TBX15: variants seen among roughly 807,000 people sequenced by gnomAD.
The protein encoded by TBX15 is T-box transcription factor TBX15.
A neutral mutation model predicts 53.9 loss-of-function variants in TBX15; 18 were observed. That is an observed-to-expected ratio of 0.33 (90% CI 0.23 to 0.49). The LOEUF is 0.49. Among genes scored for constraint, TBX15 ranks in the 20% least tolerant of loss-of-function variants. The probability of loss-of-function intolerance (pLI) is 0.98; values close to 1 mark genes in which losing one functional copy is unlikely to be tolerated. For synonymous variants in TBX15, 295 were observed against 278.0 expected, an observed-to-expected ratio of 1.06 and a Z score of -0.61; for missense variants, 692 against 749.5, an observed-to-expected ratio of 0.92 and a Z score of 0.90.
At chr1:118,939,437 CAA>C (rs869077887) in intron 1 of TBX15, among the ~76,000 whole-genome samples, 1 of 84,678 alleles carries the variant, frequency 1.2e-5, no homozygotes, top group Non-Finnish European at 2.2e-5. Flanking sequence ...AAAAAAAAAA[CAA>C]AAACAGGAAC....
chr1:118,942,600 A>G (rs1489846387), intron 1 of TBX15, among the ~76,000 whole-genome samples: 1 of 152,158 alleles, frequency 6.6e-6, no homozygotes, highest in African/African-American at 2.4e-5. Flanking sequence ...AACCTGAACT[A>G]TTGGAATCCT....
At chr1:118,923,912 C>T (rs1396460315) in intron 4 of TBX15, among the ~76,000 whole-genome samples, 1 of 152,178 alleles carries the variant, frequency 6.6e-6, no homozygotes, top group Non-Finnish European at 1.5e-5. Context: ...GAACCTCTGC[C>T]ATGTGACAAG....
intron 7 of TBX15, among the ~76,000 whole-genome samples, chr1:118,892,688 T>C (rs1056780888): frequency 5.3e-5 from 8 of 152,222 alleles, no homozygotes; most frequent in African/African-American, 1.9e-4. Flanking sequence ...ACTGGGTTTA[T>C]TTCTTTCAAA....
intron 1 of TBX15, among the ~76,000 whole-genome samples, chr1:118,947,811 G>A (rs1026820070): frequency 1.3e-5 from 2 of 152,078 alleles, no homozygotes; most frequent in African/African-American, 2.4e-5. Flanking sequence ...GAGAGCCTGG[G>A]TTCTCTCCTC....
chr1:118,924,858 C>G (rs1655542539), intron 3 of TBX15, 41 bp from the exon 4 acceptor site: 1 of 1,611,526 alleles, frequency 6.2e-7, no homozygotes, highest in Non-Finnish European at 8.5e-7. Flanking sequence ...GAGACAGAGG[C>G]AGAGAAGGGA....
chr1:118,939,039 A>G (rs1656058080), intron 1 of TBX15, among the ~76,000 whole-genome samples: 1 of 152,144 alleles, frequency 6.6e-6, no homozygotes, highest in Non-Finnish European at 1.5e-5. Context: ...ATACTATGCG[A>G]CCATAAAAAA....
At chr1:118,962,819 T>C (rs562071061) in intron 1 of TBX15, among the ~76,000 whole-genome samples, 1 of 152,346 alleles carries the variant, frequency 6.6e-6, no homozygotes, top group African/African-American at 2.4e-5. Context: ...CAGTGAACAC[T>C]GACCATTTAG....
intron 2 of TBX15, 46 bp from the exon 3 acceptor site, chr1:118,926,657 A>C: frequency 6.6e-7 from 1 of 1,517,624 alleles, no homozygotes; most frequent in South Asian, 1.1e-5. Flanking sequence ...AGGGTGGGAG[A>C]AGTAGCAGGG....
rs7542579 is a variant in TBX15, at chr1:118,968,888, C to T, written c.205+18703G>A. ...GGAGATAAAGACACCAGGCCTCTAT[C>T]TCCATCGTGAATACCAGGCACTTCA... On this transcript the variant is annotated intron_variant, in intron 1 of 7. Transcript: ENST00000369429. Among the ~76,000 whole-genome samples the T allele has an allele frequency of 7.4e-4, 112 of 152,192 alleles. 2 individuals carry two copies. Among genetic ancestry groups the T allele is most frequent in the South Asian group, 6.0e-3 (29 of 4,820 alleles).
chr1:118,891,329 A>G (rs1654134053), intron 7 of TBX15, among the ~76,000 whole-genome samples: 1 of 152,194 alleles, frequency 6.6e-6, no homozygotes, highest in South Asian at 2.1e-4. Context: ...TGTATCTACC[A>G]CATTCCTTAG....
chr1:118,948,640 G>A (rs1656417658), intron 1 of TBX15, among the ~76,000 whole-genome samples: 1 of 152,166 alleles, frequency 6.6e-6, no homozygotes, highest in Admixed American at 6.5e-5. Context: ...GTTGTGGCAG[G>A]ACTCAATGTT....
At chr1:118,899,863 A>G (rs1482578535) in intron 6 of TBX15, among the ~76,000 whole-genome samples, 2 of 152,178 alleles carry the variant, frequency 1.3e-5, no homozygotes, top group Non-Finnish European at 1.5e-5. Context: ...ACATTTTACG[A>G]GTACATTCCT....
intron 1 of TBX15, among the ~76,000 whole-genome samples, chr1:118,948,541 C>A (rs929690356): frequency 2.0e-5 from 3 of 152,182 alleles, no homozygotes; most frequent in Non-Finnish European, 4.4e-5. Context: ...CTCTAGGGTC[C>A]AACCTGCCTG....
intron 7 of TBX15, among the ~76,000 whole-genome samples, chr1:118,891,178 T>A (rs1396931124): frequency 6.6e-6 from 1 of 152,214 alleles, no homozygotes; most frequent in Non-Finnish European, 1.5e-5. Context: ...TCCTAGTGAA[T>A]CATTCTCCAT....
intron 1 of TBX15, among the ~76,000 whole-genome samples, chr1:118,976,020 C>T (rs1399260876): frequency 1.3e-5 from 2 of 152,142 alleles, no homozygotes; most frequent in African/African-American, 4.8e-5. Flanking sequence ...AGGGAAGCCA[C>T]CTTCTCCCTC....
intron 1 of TBX15, among the ~76,000 whole-genome samples, chr1:118,937,513 A>C (rs1374846195): frequency 6.6e-6 from 1 of 152,190 alleles, no homozygotes; most frequent in Non-Finnish European, 1.5e-5. Context: ...CCATAAGCTC[A>C]GTTTAATGCT....
chr1:118,887,196 A>C (rs1018607957), intron 7 of TBX15, among the ~76,000 whole-genome samples: 2 of 152,288 alleles, frequency 1.3e-5, no homozygotes, highest in Non-Finnish European at 1.5e-5. Flanking sequence ...TTCCTCCTTC[A>C]CAGCAAGGTT....
intron 4 of TBX15, 100 bp downstream of exon 4, chr1:118,924,546 G>T: frequency 7.1e-7 from 1 of 1,403,940 alleles, no homozygotes; most frequent in Non-Finnish European, 1.0e-6. Context: ...GTGGCATAGA[G>T]ATTCCTTATT....
intron 1 of TBX15, among the ~76,000 whole-genome samples, chr1:118,986,708 A>G (rs1488760619): frequency 6.6e-6 from 1 of 152,186 alleles, no homozygotes; most frequent in African/African-American, 2.4e-5. Context: ...GCATGGTTTT[A>G]GAAGTCCGGG....
Sources: gnomAD v4.1 joint callset for allele counts (sites outside exome capture counted in the v4.1 genomes callset) on GRCh38, gnomAD v4.1.1 for gene constraint, MANE v1.5 for transcripts, NCBI Gene and HGNC (gene_info 2026-07-23, HGNC 2026-07-21) for gene names.